DHRS12: variants seen among roughly 807,000 people sequenced by gnomAD.
DHRS12 encodes dehydrogenase/reductase 12.
A neutral mutation model predicts 32.1 loss-of-function variants in DHRS12; 29 were observed. That is an observed-to-expected ratio of 0.90 (90% CI 0.67 to 1.23). DHRS12 has a LOEUF of 1.23. Among genes scored for constraint, DHRS12 ranks in the 50% most tolerant of loss-of-function variants. DHRS12 has a pLI of 0.00. For missense variants in DHRS12, 330 were observed against 337.2 expected, an observed-to-expected ratio of 0.98 and a Z score of 0.17; for synonymous variants, 150 against 135.9, an observed-to-expected ratio of 1.10 and a Z score of -0.72.
chr13:51,757,406 C>A, the DHRS12 span, among the ~76,000 whole-genome samples: 1 of 151,880 alleles, frequency 6.6e-6, no homozygotes, highest in African/African-American at 2.4e-5. Flanking sequence ...TTTAAAGTAA[C>A]CATTTTAAGA....
the DHRS12 span, chr13:51,755,403 C>T: frequency 6.2e-7 from 1 of 1,614,162 alleles, no homozygotes; most frequent in African/African-American, 1.3e-5. Context: ...GTGTGATCAG[C>T]CTTTCTTCTG....
At position 51,771,862 on chromosome 13, in the gene DHRS12, ATGGCCGGGTGCCCT is replaced by A. The variant is rs1187847165; in HGVS notation, c.504_517del (p.Gln168HisfsTer86). On this transcript the variant is annotated frameshift_variant, in exon 7 of 9. Coordinates refer to ENST00000444610, the MANE Select transcript of DHRS12 (RefSeq NM_001377533.1). LOFTEE classifies it high-confidence loss of function. ...GCCAGGATGCATGGAAGAAAAATGG[ATGGCCGGGTGCCCT>A]TGGGCCCACCGCTCCGTCAGAACCA... The A allele has an allele frequency of 3.1e-6, 5 of 1,614,120 alleles. No homozygotes were observed. In the Middle Eastern group the frequency reaches 4.9e-4, roughly 160 times the overall value.
the DHRS12 span, among the ~76,000 whole-genome samples, chr13:51,757,717 A>T: frequency 1.3e-5 from 2 of 152,220 alleles, no homozygotes; most frequent in East Asian, 3.9e-4. Context: ...AGAATACTAT[A>T]GAAAAACCAA....
At chr13:51,757,738 A>T in the DHRS12 span, among the ~76,000 whole-genome samples, 2 of 152,170 alleles carry the variant, frequency 1.3e-5, no homozygotes, top group Admixed American at 1.3e-4. Flanking sequence ...GTCTTCAGTC[A>T]TACCAGTGAA....
the DHRS12 span, among the ~76,000 whole-genome samples, chr13:51,755,873 G>T: frequency 6.6e-6 from 1 of 151,954 alleles, no homozygotes; most frequent in Non-Finnish European, 1.5e-5. Context: ...TGATTCCATG[G>T]TTCTGTTTGG....
intron 7 of DHRS12, among the ~76,000 whole-genome samples, 180 bp from the exon 8 acceptor site, chr13:51,769,473 C>T (rs1264342072): frequency 1.3e-5 from 2 of 152,188 alleles, no homozygotes; most frequent in East Asian, 1.9e-4. Context: ...TGTTACAAAG[C>T]CCCCAAGGTG....
rs538454083 is a variant in DHRS12, at chr13:51,768,717, C to A, written c.698-421G>T. 8.9e-6 allele frequency: 10 copies of A among 1,126,232 alleles called. No individual in the cohort carries two copies. The South Asian group carries it at 2.0e-4, about 22-fold the overall frequency. The allele number at this position is 1,126,232 out of a possible 1,614,324, so 69.8% of individuals were successfully genotyped here. ...ATGGCGTCCACTCACACGCCTGCCCCCTTAGGAGCCCACTGGGGAGAGACG... is the reference window on the plus strand; with the variant it reads ...ATGGCGTCCACTCACACGCCTGCCCACTTAGGAGCCCACTGGGGAGAGACG... On this transcript the variant is annotated intron_variant, in intron 8 of 8. Transcript: ENST00000444610.
chr13:51,758,034 A>C, the DHRS12 span, among the ~76,000 whole-genome samples: 383 of 151,914 alleles, frequency 2.5e-3, 3 homozygotes, highest in Non-Finnish European at 1.0e-3. Context: ...TTTTATCATA[A>C]CTGGTCACCA....
rs1317062782 is a variant in DHRS12, at chr13:51,801,890, C to T, written c.-9+2164G>A. Among the ~76,000 whole-genome samples the T allele has an allele frequency of 2.6e-5, 4 of 152,158 alleles. No individual in the cohort carries two copies. The East Asian group carries it at 5.8e-4, about 22-fold the overall frequency. The stretch of plus-strand genomic sequence containing the variant: ...TTAGCCTCTGGGCTCCACACTGATC[C>T]GTATTAGAGACGAATGTTTGCTGAG... On this transcript the variant is annotated intron_variant, in intron 1 of 8. Transcript: ENST00000444610.
intron 4 of DHRS12, among the ~76,000 whole-genome samples, chr13:51,787,812 A>T (rs1169787919): frequency 8.3e-6 from 1 of 120,458 alleles, no homozygotes; most frequent in Non-Finnish European, 1.7e-5. Context: ...ATTTATATAT[A>T]ATTTATATAT....
At chr13:51,802,729 GGTT>G (rs561412482) in intron 1 of DHRS12, among the ~76,000 whole-genome samples, 86 of 152,340 alleles carry the variant, frequency 5.6e-4, no homozygotes, top group African/African-American at 2.0e-3. Flanking sequence ...GTCAAAACAA[GGTT>G]GTTGTTTTTC....
chr13:51,782,664 G>A lies in DHRS12; in HGVS notation c.302-5543C>T, dbSNP rs1044006458. ...TTCTCCAGGGCCTAGCCAGGTGACT[G>A]ATGTCACCCCCTGCTGTCACAGCCG... is the stretch of plus-strand genomic sequence containing the variant. On this transcript the variant is annotated intron_variant, in intron 4 of 8. Transcript: ENST00000444610. This position sits in a 1 kb window ranked among gnomAD's most constrained non-coding sequence, Gnocchi z 4.2. Among the ~76,000 whole-genome samples the A allele has an allele frequency of 3.3e-5, 5 of 152,190 alleles. No individual in the cohort carries two copies. Among genetic ancestry groups the A allele is most frequent in the African/African-American group, 1.2e-4 (5 of 41,450 alleles).
At chr13:51,757,373 G>C in the DHRS12 span, among the ~76,000 whole-genome samples, 1 of 152,062 alleles carries the variant, frequency 6.6e-6, no homozygotes, top group Non-Finnish European at 1.5e-5. Flanking sequence ...GGGACTTACA[G>C]TTAAGCCTAA....
At chr13:51,759,787 A>G in the DHRS12 span, 1 of 1,613,420 alleles carries the variant, frequency 6.2e-7, no homozygotes, top group Non-Finnish European at 8.5e-7. Context: ...CCCAGGAATC[A>G]GAAAGATAGT....
At chr13:51,769,018 C>T in intron 8 of DHRS12, 138 bp downstream of exon 8, 2 of 1,442,014 alleles carry the variant, frequency 1.4e-6, no homozygotes, top group Middle Eastern at 2.6e-4. Flanking sequence ...GCAAAGCAAT[C>T]ATCTCGCCAA....
At chr13:51,796,836 C>G (rs2139382810) in intron 2 of DHRS12, among the ~76,000 whole-genome samples, 1 of 152,302 alleles carries the variant, frequency 6.6e-6, no homozygotes, top group South Asian at 2.1e-4. Context: ...CAGCACTAAG[C>G]CTCTGTAAGG....
At position 51,773,916 on chromosome 13, in the gene DHRS12, C is replaced by T. The variant is rs761315665; in HGVS notation, c.468+14G>A. 3.1e-6 allele frequency: 5 copies of T among 1,612,170 alleles called. No homozygotes were observed. The highest frequency in any genetic ancestry group is 4.2e-6 in the Non-Finnish European group (5 of 1,178,282). On this transcript the variant is annotated intron_variant, in intron 6 of 8. Coordinates refer to ENST00000444610, the MANE Select transcript of DHRS12 (RefSeq NM_001377533.1). ...GTGGGTAAAATGCAGTCTCAGGAAA[C>T]CCACCTCACTGACCTTGTTTTGTGC...
intron 6 of DHRS12, 92 bp downstream of exon 6, chr13:51,773,838 G>T: frequency 9.2e-7 from 1 of 1,091,150 alleles, no homozygotes; most frequent in Non-Finnish European, 1.4e-6. Flanking sequence ...ACTAAGGTCC[G>T]ATTAATGTGC....
chr13:51,770,916 C>A (rs561344231), intron 7 of DHRS12: 2 of 1,226,628 alleles, frequency 1.6e-6, no homozygotes, highest in East Asian at 4.2e-5. Context: ...CTCCTACCAC[C>A]AGCACTGTGA....
Sources: gnomAD v4.1 joint callset for allele counts (sites outside exome capture counted in the v4.1 genomes callset) on GRCh38, gnomAD v4.1.1 for gene constraint, Gnocchi (gnomAD v3.1) non-coding constraint, MANE v1.5 for transcripts, NCBI Gene and HGNC (gene_info 2026-07-23, HGNC 2026-07-21) for gene names.